Variants in FSTL4 observed in about 807,000 individuals in gnomAD.
The protein encoded by FSTL4 is follistatin-related protein 4.
In FSTL4, 28 loss-of-function variants were observed where a neutral mutation model predicts 78.2. The ratio of observed to expected loss-of-function variants is 0.36; its 90% CI spans 0.27 to 0.49. The LOEUF is 0.49. Ranked by LOEUF, FSTL4 falls within the 20% of genes least tolerant of loss-of-function variation. FSTL4 has a pLI of 0.98. For synonymous variants in FSTL4, 422 were observed against 440.5 expected, an observed-to-expected ratio of 0.96 and a Z score of 0.53; for missense variants, 922 against 1,084.9, an observed-to-expected ratio of 0.85 and a Z score of 2.11.
chr5:133,604,873 T>TA (rs59650246), intron 1 of FSTL4, among the ~76,000 whole-genome samples: 66,485 of 151,532 alleles, frequency 0.44, 15,320 homozygotes, highest in African/African-American at 0.59. Flanking sequence ...CATCCAATGA[T>TA]TCAGAATTTC....
At chr5:133,723,153 T>G in the FSTL4 span, among the ~76,000 whole-genome samples, 1 of 152,142 alleles carries the variant, frequency 6.6e-6, no homozygotes, top group African/African-American at 2.4e-5. Context: ...TGGGATGTGA[T>G]GTACAGTTTT....
chr5:133,341,609 C>T (rs1754583827), intron 4 of FSTL4, among the ~76,000 whole-genome samples: 1 of 152,126 alleles, frequency 6.6e-6, no homozygotes, highest in Non-Finnish European at 1.5e-5. Flanking sequence ...CAGCCACCTA[C>T]CAACACCTCT....
the FSTL4 span, among the ~76,000 whole-genome samples, chr5:133,638,017 C>T: frequency 1.3e-5 from 2 of 151,928 alleles, no homozygotes; most frequent in South Asian, 4.2e-4. Context: ...TCTGATCTTA[C>T]TCTCTGCAAA....
chr5:133,458,786 G>A (rs1425649939), intron 3 of FSTL4, among the ~76,000 whole-genome samples: 2 of 152,252 alleles, frequency 1.3e-5, no homozygotes, highest in Non-Finnish European at 2.9e-5. Context: ...GGGAGAGGAG[G>A]AGGGAAGGAT....
At chr5:133,377,556 GGTAGC>G (rs1755466093) in intron 4 of FSTL4, among the ~76,000 whole-genome samples, 1 of 152,032 alleles carries the variant, frequency 6.6e-6, no homozygotes, top group Non-Finnish European at 1.5e-5. Flanking sequence ...AGAGGAGGCT[GGTAGC>G]TCCATGAGAG....
the FSTL4 span, among the ~76,000 whole-genome samples, chr5:133,735,106 G>T: frequency 6.6e-6 from 1 of 152,158 alleles, no homozygotes; most frequent in East Asian, 1.9e-4. Flanking sequence ...CATTAGAAGG[G>T]AGTCCCCTGG....
the FSTL4 span, among the ~76,000 whole-genome samples, chr5:133,620,210 A>T: frequency 6.6e-6 from 1 of 152,228 alleles, no homozygotes; most frequent in African/African-American, 2.4e-5. Context: ...TTCATGCTTT[A>T]AAACACTGCC....
rs748373336 is a variant in FSTL4, at chr5:133,206,159, TTATC to T, written c.1716+4028_1716+4031del. On this transcript the variant is annotated intron_variant, in intron 14 of 15. Coordinates refer to ENST00000265342, the MANE Select transcript of FSTL4 (RefSeq NM_015082.2). ...TAGTCTTGGGATAGTTCAAGTAAAA[TTATC>T]TATATTTTGAGGACTTGACAAAACT... is the stretch of plus-strand genomic sequence containing the variant. 4.2e-4 allele frequency among the ~76,000 whole-genome samples: 62 copies of T among 147,822 alleles called. 1 individual carries two copies. Among genetic ancestry groups the T allele is most frequent in the East Asian group, 2.6e-3 (13 of 4,916 alleles).
intron 14 of FSTL4, among the ~76,000 whole-genome samples, chr5:133,204,384 A>ATAT (rs1750425852): frequency 6.6e-6 from 1 of 152,256 alleles, no homozygotes; most frequent in Non-Finnish European, 1.5e-5. Context: ...CAATATTAGG[A>ATAT]TATTATTTTT....
intron 4 of FSTL4, among the ~76,000 whole-genome samples, chr5:133,331,781 A>T (rs1580624628): frequency 6.6e-6 from 1 of 152,208 alleles, no homozygotes; most frequent in African/African-American, 2.4e-5. Flanking sequence ...GAAAGCGAAC[A>T]CCAGCCATTT....
the FSTL4 span, among the ~76,000 whole-genome samples, chr5:133,769,415 A>T: frequency 6.6e-6 from 1 of 152,260 alleles, no homozygotes; most frequent in African/African-American, 2.4e-5. Context: ...ATATTCAAAA[A>T]GATGTGGACC....
chr5:133,768,392 T>C, the FSTL4 span, among the ~76,000 whole-genome samples: 10 of 152,308 alleles, frequency 6.6e-5, no homozygotes, highest in South Asian at 2.1e-3. Context: ...AAAGGATCTA[T>C]CACTTTCATT....
chr5:133,625,032 C>A, the FSTL4 span, among the ~76,000 whole-genome samples: 1 of 151,466 alleles, frequency 6.6e-6, no homozygotes, highest in Non-Finnish European at 1.5e-5. Flanking sequence ...GCTAATATTT[C>A]CATTAAGAAT....
At chr5:133,478,022 C>T (rs1339330003) in intron 3 of FSTL4, among the ~76,000 whole-genome samples, 1 of 152,202 alleles carries the variant, frequency 6.6e-6, no homozygotes, top group Non-Finnish European at 1.5e-5. Flanking sequence ...ATACAAGTAT[C>T]TCTTCCTGAT....
intron 6 of FSTL4, among the ~76,000 whole-genome samples, chr5:133,278,646 T>A (rs765899641): frequency 6.6e-6 from 1 of 152,078 alleles, no homozygotes; most frequent in Non-Finnish European, 1.5e-5. Context: ...TTGGCGGACA[T>A]GAGAGGTGCA....
chr5:133,264,675 T>C (rs937610688), intron 6 of FSTL4, among the ~76,000 whole-genome samples: 1 of 152,240 alleles, frequency 6.6e-6, no homozygotes, highest in African/African-American at 2.4e-5. Flanking sequence ...CTTTCCCTTA[T>C]ATGGGACATT....
At chr5:133,682,565 C>CACAT in the FSTL4 span, among the ~76,000 whole-genome samples, 1 of 152,194 alleles carries the variant, frequency 6.6e-6, no homozygotes, top group Non-Finnish European at 1.5e-5. Context: ...TGGATGATGA[C>CACAT]ACATAGCAAG....
At chr5:133,617,196 G>T (rs551431544), upstream of FSTL4, among the ~76,000 whole-genome samples, 1 of 151,844 alleles carries the variant, frequency 6.6e-6, no homozygotes, top group South Asian at 2.1e-4. Context: ...CTACTCAGGA[G>T]GCTGAGGCAG....
chr5:133,315,654 C>G (rs888204052), intron 5 of FSTL4, among the ~76,000 whole-genome samples: 26 of 152,218 alleles, frequency 1.7e-4, no homozygotes, highest in African/African-American at 5.8e-4. Context: ...GGAGGCTGAT[C>G]TCACTCTCCT....
Sources: allele counts gnomAD v4.1 joint callset (sites outside exome capture counted in the v4.1 genomes callset), GRCh38; gene constraint gnomAD v4.1.1; transcripts MANE v1.5; gene names NCBI Gene and HGNC (gene_info 2026-07-23, HGNC 2026-07-21).